EYS: variants seen among roughly 807,000 people sequenced by gnomAD.
EYS encodes EGF-like photoreceptor maintenance factor.
Under a neutral mutation model 282.1 loss-of-function variants are expected in EYS, and 250 were observed. The ratio of observed to expected loss-of-function variants is 0.89; its 90% CI spans 0.80 to 0.98. The LOEUF (loss-of-function observed/expected upper bound fraction) is 0.98, where lower values mean the gene tolerates loss of function less well. Ranked by LOEUF, EYS falls within the 50% of genes least tolerant of loss-of-function variation. The pLI is 0.00. For synonymous variants in EYS, 1,355 were observed against 1,282.9 expected, an observed-to-expected ratio of 1.06 and a Z score of -1.20; for missense variants, 4,016 against 3,709.0, an observed-to-expected ratio of 1.08 and a Z score of -2.15.
intron 22 of EYS, among the ~76,000 whole-genome samples, chr6:64,642,607 T>A (rs1032411377): frequency 1.3e-5 from 2 of 152,244 alleles, no homozygotes; most frequent in African/African-American, 4.8e-5. Flanking sequence ...GGAGAAATCA[T>A]AAATGAAATG....
rs1581995190 is a variant in EYS at position 65,186,121 on chromosome 6, A to G, written c.2023+109742T>C. 2.6e-5 allele frequency among the ~76,000 whole-genome samples: 4 copies of G among 151,868 alleles called. No individual in the cohort carries two copies. The South Asian group carries it at 8.3e-4, about 31-fold the overall frequency. ...AAGTAGATAATCTGTCTTAGATATT[A>G]TCTATTAGCTAACATTTTCACTGAT... On this transcript the variant is annotated intron_variant, in intron 12 of 42. Coordinates refer to ENST00000503581, the MANE Select transcript of EYS (RefSeq NM_001142800.2).
intron 19 of EYS, among the ~76,000 whole-genome samples, chr6:64,865,850 A>C (rs993096285): frequency 6.6e-6 from 1 of 152,066 alleles, no homozygotes; most frequent in African/African-American, 2.4e-5. Context: ...TTCATTGTGT[A>C]AACTAATAGA....
intron 2 of EYS, among the ~76,000 whole-genome samples, chr6:65,542,993 G>T (rs1170219043): frequency 6.6e-6 from 1 of 151,994 alleles, no homozygotes; most frequent in Admixed American, 6.6e-5. Flanking sequence ...TAATTAGAAT[G>T]TGATCACAAT....
chr6:64,565,922 G>T (rs1171772147), intron 26 of EYS, among the ~76,000 whole-genome samples: 1 of 148,030 alleles, frequency 6.8e-6, no homozygotes, highest in Admixed American at 6.7e-5. Context: ...CCTCAATAAA[G>T]TTGGGAAGAA....
At chr6:63,780,542 T>TGCA (rs1214045864) in intron 39 of EYS, among the ~76,000 whole-genome samples, 35 of 152,376 alleles carry the variant, frequency 2.3e-4, no homozygotes, top group African/African-American at 8.2e-4. Context: ...TGCATAAATG[T>TGCA]CTTCTTTTGA....
At chr6:64,348,172 C>T (rs1231307432) in intron 29 of EYS, among the ~76,000 whole-genome samples, 1 of 151,318 alleles carries the variant, frequency 6.6e-6, no homozygotes, top group Non-Finnish European at 1.5e-5. Context: ...CAACTAATAA[C>T]TATTGAGCAC....
intron 36 of EYS, among the ~76,000 whole-genome samples, chr6:63,829,293 CA>C (rs530656911): frequency 6.6e-5 from 10 of 152,206 alleles, no homozygotes; most frequent in Non-Finnish European, 1.5e-4. Context: ...TGCAAGAGGT[CA>C]GGGAATTCCC....
At chr6:64,933,457 T>C (rs957197400) in intron 15 of EYS, among the ~76,000 whole-genome samples, 3 of 152,102 alleles carry the variant, frequency 2.0e-5, no homozygotes, top group Admixed American at 6.6e-5. Flanking sequence ...CCAGTTAGAA[T>C]GGCAATCATT....
intron 26 of EYS, among the ~76,000 whole-genome samples, chr6:64,456,487 C>A (rs1017175475): frequency 2.6e-5 from 4 of 151,944 alleles, no homozygotes; most frequent in African/African-American, 4.8e-5. Context: ...TTGAAGAAAT[C>A]TTTTAACCTC....
At chr6:64,808,782 C>T (rs946511541) in intron 22 of EYS, among the ~76,000 whole-genome samples, 1 of 151,948 alleles carries the variant, frequency 6.6e-6, no homozygotes, top group Non-Finnish European at 1.5e-5. Context: ...TGAATACTAG[C>T]TATCTTAATT....
intron 12 of EYS, among the ~76,000 whole-genome samples, chr6:65,163,847 GAC>G (rs796220020): frequency 1.1e-4 from 17 of 151,306 alleles, no homozygotes; most frequent in African/African-American, 3.9e-4. Flanking sequence ...CATTGTCCAT[GAC>G]AGTTTTCACA....
chr6:65,691,255 CTT>C (rs1769231888), intron 1 of EYS, among the ~76,000 whole-genome samples: 1 of 150,296 alleles, frequency 6.7e-6, no homozygotes, highest in Non-Finnish European at 1.5e-5. Context: ...TGCTTCCTGA[CTT>C]TTTAATGATC....
chr6:65,029,423 A>C (rs1365640094), intron 13 of EYS, among the ~76,000 whole-genome samples: 2 of 152,204 alleles, frequency 1.3e-5, no homozygotes, highest in East Asian at 3.9e-4. Flanking sequence ...ATGCACACAT[A>C]TACACTCATA....
chr6:64,056,002 G>A (rs1251077625), intron 33 of EYS, among the ~76,000 whole-genome samples: 2 of 152,124 alleles, frequency 1.3e-5, no homozygotes, highest in Non-Finnish European at 2.9e-5. Flanking sequence ...CCCTCGGGAT[G>A]AGGGGGATGC....
At chr6:64,744,156 A>T (rs1341275755) in intron 22 of EYS, among the ~76,000 whole-genome samples, 1 of 152,184 alleles carries the variant, frequency 6.6e-6, no homozygotes, top group African/African-American at 2.4e-5. Context: ...CCATTCAATG[A>T]GCTTTAGAAA....
At chr6:64,148,943 T>A (rs1208401432) in intron 31 of EYS, among the ~76,000 whole-genome samples, 1 of 152,156 alleles carries the variant, frequency 6.6e-6, no homozygotes, top group Non-Finnish European at 1.5e-5. Flanking sequence ...TTTTAAGACA[T>A]TTAAAAAGTG....
At chr6:64,147,368 C>A (rs1460964645) in intron 31 of EYS, among the ~76,000 whole-genome samples, 1 of 152,100 alleles carries the variant, frequency 6.6e-6, no homozygotes, top group Non-Finnish European at 1.5e-5. Flanking sequence ...TTACCAATAT[C>A]ATGTCAGATA....
At chr6:65,430,357 C>A (rs1303254739) in intron 5 of EYS, among the ~76,000 whole-genome samples, 1 of 152,126 alleles carries the variant, frequency 6.6e-6, no homozygotes, top group Admixed American at 6.5e-5. Context: ...ACAACCCTAG[C>A]CAGAGGTGAA....
At chr6:63,928,535 TGTG>T (rs1764789524) in intron 35 of EYS, among the ~76,000 whole-genome samples, 1 of 151,866 alleles carries the variant, frequency 6.6e-6, no homozygotes, top group Non-Finnish European at 1.5e-5. Context: ...TGTGTGTGTG[TGTG>T]TGTGTGTGTG....
Sources: gnomAD v4.1 joint callset for allele counts (sites outside exome capture counted in the v4.1 genomes callset) on GRCh38, gnomAD v4.1.1 for gene constraint, MANE v1.5 for transcripts, NCBI Gene and HGNC (gene_info 2026-07-23, HGNC 2026-07-21) for gene names.